ZNF638: variants seen among roughly 807,000 people sequenced by gnomAD.
The protein encoded by ZNF638 is CTCL tumor antigen se33-1.
A neutral mutation model predicts 195.6 loss-of-function variants in ZNF638; 46 were observed. The ratio of observed to expected loss-of-function variants is 0.24; its 90% CI spans 0.19 to 0.30. ZNF638 has a LOEUF of 0.30. Among genes scored for constraint, ZNF638 ranks in the 10% least tolerant of loss-of-function variants. The pLI, the probability that ZNF638 is intolerant of heterozygous loss-of-function variation, is 1.00. For missense variants in ZNF638, 2,440 were observed against 2,325.3 expected, an observed-to-expected ratio of 1.05 and a Z score of -1.01; for synonymous variants, 845 against 772.0, an observed-to-expected ratio of 1.09 and a Z score of -1.57.
intron 10 of ZNF638, among the ~76,000 whole-genome samples, chr2:71,386,334 A>ATATGTATGTGTG (rs1239579608): frequency 5.0e-4 from 76 of 150,588 alleles, no homozygotes; most frequent in African/African-American, 1.8e-3. Flanking sequence ...TAAATTTATG[A>ATATGTATGTGTG]TATGTATGTG....
Position 71,422,918 on chromosome 2 carries a change from T to G in ZNF638, c.3404T>G (p.Ile1135Ser). The change falls in exon 22 of 28, where the codon ATT (isoleucine) becomes AGT (serine). Residue 1135 changes from isoleucine to serine, a missense_variant. Physicochemically the swap from Ile to Ser is moderately radical, Grantham distance 142. Around this residue, in one of 5 missense-constraint regions of ZNF638, gnomAD observed 1,883 missense variants for 1,739.1 expected, o/e 1.08. Transcript: ENST00000264447. ...NELEEESTPS[I>S]QTETLVQQEE... ...CTTGAAGAAGAAAGTACTCCCAGCA[T>G]TCAAACAGAAACTTTGGTACAGCAG... 1 of 1,614,120 alleles carries G rather than the reference T, an allele frequency of 6.2e-7. No individual in the cohort carries two copies. The highest frequency in any genetic ancestry group is 1.7e-5 in the Admixed American group (1 of 60,018).
At chr2:71,417,443 C>A (rs372462569) in intron 20 of ZNF638, among the ~76,000 whole-genome samples, 3 of 152,106 alleles carry the variant, frequency 2.0e-5, no homozygotes, top group Middle Eastern at 3.2e-3. Context: ...TCTTCTGCGT[C>A]GCTCACGCTG....
intron 26 of ZNF638, among the ~76,000 whole-genome samples, chr2:71,432,956 G>A (rs1187864925): frequency 2.0e-5 from 3 of 152,112 alleles, no homozygotes; most frequent in Admixed American, 6.5e-5. Context: ...GCGCGGTGGC[G>A]CACACCTGTA....
At chr2:71,366,987 G>T (rs372020839) in intron 6 of ZNF638, among the ~76,000 whole-genome samples, 1 of 152,048 alleles carries the variant, frequency 6.6e-6, no homozygotes, top group Non-Finnish European at 1.5e-5. Flanking sequence ...AAGTATTTAG[G>T]TATGGAATGC....
chr2:71,348,260 A>G (rs1432137579), intron 1 of ZNF638, among the ~76,000 whole-genome samples: 2 of 152,238 alleles, frequency 1.3e-5, no homozygotes, highest in East Asian at 1.9e-4. Flanking sequence ...TAATTGCCCT[A>G]TGGGATTTAT....
At chr2:71,333,208 C>A (rs1408448244) in intron 1 of ZNF638, 1 of 152,142 alleles carries the variant, frequency 6.6e-6, no homozygotes, top group Non-Finnish European at 1.5e-5. Flanking sequence ...AGTTTGACAG[C>A]ATTTTATATT....
chr2:71,401,681 A>G (rs1307800132), intron 15 of ZNF638, among the ~76,000 whole-genome samples: 2 of 148,254 alleles, frequency 1.3e-5, no homozygotes, highest in South Asian at 2.1e-4. Flanking sequence ...AGCAAGACTA[A>G]AAAAAAAAAA....
chr2:71,338,358 G>C (rs772529487), intron 1 of ZNF638, among the ~76,000 whole-genome samples: 1 of 152,086 alleles, frequency 6.6e-6, no homozygotes, highest in African/African-American at 2.4e-5. Context: ...TTAATTTATT[G>C]CTATGTATTT....
intron 8 of ZNF638, among the ~76,000 whole-genome samples, chr2:71,377,616 T>C (rs547423670): frequency 1.2e-4 from 18 of 152,364 alleles, no homozygotes; most frequent in African/African-American, 4.3e-4. Context: ...CTCTGTTGTG[T>C]CAGGCATTGT....
chr2:71,418,390 A>G (rs2080349170), intron 20 of ZNF638: 2 of 365,886 alleles, frequency 5.5e-6, no homozygotes, highest in Non-Finnish European at 9.7e-6. Context: ...TTTCATTAAT[A>G]TAAGTTATTG....
At chr2:71,367,982 G>C (rs1018455805) in intron 6 of ZNF638, among the ~76,000 whole-genome samples, 3 of 152,064 alleles carry the variant, frequency 2.0e-5, no homozygotes, top group Non-Finnish European at 2.9e-5. Flanking sequence ...CCAATTATTA[G>C]AACAGAGGGG....
intron 1 of ZNF638, among the ~76,000 whole-genome samples, chr2:71,337,489 T>C (rs980546612): frequency 6.6e-6 from 1 of 152,136 alleles, no homozygotes; most frequent in Non-Finnish European, 1.5e-5. Context: ...CTCGGCTCAC[T>C]GCAATCTCTG....
chr2:71,420,401 TAAG>T (rs547796179), intron 21 of ZNF638, among the ~76,000 whole-genome samples: 1 of 152,188 alleles, frequency 6.6e-6, no homozygotes, highest in Non-Finnish European at 1.5e-5. Context: ...AAGCCACAAA[TAAG>T]AATGCTAAGT....
chr2:71,430,219 A>G (rs2080629158), intron 25 of ZNF638, among the ~76,000 whole-genome samples: 1 of 151,858 alleles, frequency 6.6e-6, no homozygotes, highest in Non-Finnish European at 1.5e-5. Flanking sequence ...ATTTTAATAT[A>G]TGTTATATAC....
intron 18 of ZNF638, 146 bp from the exon 19 acceptor site, chr2:71,405,982 C>G: frequency 1.2e-6 from 1 of 855,740 alleles, no homozygotes; most frequent in African/African-American, 1.7e-5. Context: ...AAATTAAGAC[C>G]TCACTGTCTT....
intron 1 of ZNF638, among the ~76,000 whole-genome samples, chr2:71,335,627 C>G (rs2078652721): frequency 6.6e-6 from 1 of 152,108 alleles, no homozygotes; most frequent in African/African-American, 2.4e-5. Flanking sequence ...ATTCATGTGC[C>G]TGTCCAGTTT....
intron 21 of ZNF638, among the ~76,000 whole-genome samples, chr2:71,420,445 G>C (rs1177193118): frequency 2.6e-5 from 4 of 152,140 alleles, no homozygotes; most frequent in African/African-American, 9.6e-5. Context: ...ACATTAGGAA[G>C]TAAACAGTTG....
intron 13 of ZNF638, 118 bp from the exon 14 acceptor site, chr2:71,399,994 A>G: frequency 4.0e-6 from 3 of 743,860 alleles, no homozygotes; most frequent in Non-Finnish European, 6.1e-6. Flanking sequence ...TGTTTGGCTT[A>G]TGTCAGGTCA....
chr2:71,363,850 G>A (rs1005714776), intron 4 of ZNF638, 104 bp from the exon 5 acceptor site: 14 of 1,337,954 alleles, frequency 1.0e-5, no homozygotes, highest in Middle Eastern at 2.0e-4. Flanking sequence ...TGAGAGTTTG[G>A]TATTGTTAAC....
Sources: allele counts gnomAD v4.1 joint callset (sites outside exome capture counted in the v4.1 genomes callset), GRCh38; gene constraint gnomAD v4.1.1; regional missense constraint gnomAD v4.1.1; transcripts MANE v1.5; gene names NCBI Gene and HGNC (gene_info 2026-07-23, HGNC 2026-07-21).